Variants in SPATA12 observed in about 807,000 individuals in gnomAD.
SPATA12 encodes spermatogenesis-associated protein 12.
For missense variants in SPATA12, 219 were observed against 226.4 expected (o/e 0.97, Z 0.21); for synonymous variants, 85 against 89.2 (o/e 0.95, Z 0.26).
intron 1 of SPATA12, among the ~76,000 whole-genome samples, chr3:57,071,813 C>T (rs989606974): frequency 1.3e-5 from 2 of 152,004 alleles, no homozygotes; most frequent in Non-Finnish European, 2.9e-5. Flanking sequence ...TCAAAGAACA[C>T]CATCAAGAAA....
chr3:57,072,634 A>G (rs1049043528), intron 1 of SPATA12, among the ~76,000 whole-genome samples: 4 of 147,694 alleles, frequency 2.7e-5, no homozygotes, highest in African/African-American at 9.9e-5. Flanking sequence ...CCCAGCTACT[A>G]GGGAGGCTGA....
intron 1 of SPATA12, among the ~76,000 whole-genome samples, chr3:57,067,984 C>T (rs145604937): frequency 2.2e-3 from 334 of 150,758 alleles, no homozygotes; most frequent in Middle Eastern, 0.01. Context: ...AGCAAGACTC[C>T]GTCTCAAAAA....
intron 1 of SPATA12, among the ~76,000 whole-genome samples, chr3:57,071,983 G>A (rs1478528607): frequency 6.6e-6 from 1 of 152,054 alleles, no homozygotes; most frequent in Non-Finnish European, 1.5e-5. Context: ...TTTCTCCAAA[G>A]AAGATACACA....
chr3:57,071,403 T>C (rs1030356871), intron 1 of SPATA12, among the ~76,000 whole-genome samples: 2 of 152,174 alleles, frequency 1.3e-5, no homozygotes, highest in Non-Finnish European at 2.9e-5. Flanking sequence ...GGCTCATGCC[T>C]GTAATCCCAG....
Position 57,073,804 on chromosome 3 carries a change from T to C in SPATA12, c.110T>C (p.Leu37Pro). Residue 37 changes from leucine (L) to proline (P), a missense_variant, in exon 2 of 2, where the codon CTT (leucine) becomes CCT (proline). Leu to Pro is a moderately conservative substitution (Grantham distance 98). Transcript: ENST00000334325. ...SRLVPWPPRG[L>P]GSSTQHPNKP... Reference sequence around the variant, plus strand: ...CTCGTTCCATGGCCACCCAGAGGCCTTGGGTCATCCACCCAACATCCCAAC... The same window carrying C: ...CTCGTTCCATGGCCACCCAGAGGCCCTGGGTCATCCACCCAACATCCCAAC... 1 of 1,614,212 alleles carries C rather than the reference T, an allele frequency of 6.2e-7. No individual in the cohort carries two copies. The highest frequency in any genetic ancestry group is 8.5e-7 in the Non-Finnish European group (1 of 1,180,042).
intron 1 of SPATA12, among the ~76,000 whole-genome samples, chr3:57,067,956 C>T (rs1705655074): frequency 6.6e-6 from 1 of 151,946 alleles, no homozygotes; most frequent in Non-Finnish European, 1.5e-5. Context: ...CACCACTGCA[C>T]TCCAGCCTGG....
At chr3:57,067,454 A>AAACAATAAT (rs1705609627) in intron 1 of SPATA12, among the ~76,000 whole-genome samples, 1 of 140,458 alleles carries the variant, frequency 7.1e-6, no homozygotes, top group Non-Finnish European at 1.5e-5. Context: ...CTCTGTCTCA[A>AAACAATAAT]AATAATAATA....
In SPATA12 at chr3:57,074,336, C is replaced by T. The variant is rs1289497284; in HGVS notation, c.*69C>T. On this transcript the variant is annotated 3_prime_UTR_variant, in exon 2 of 2. Coordinates refer to ENST00000334325, the MANE Select transcript of SPATA12 (RefSeq NM_181727.2). ...TCTGGGCCTTTGCACATGCTATGCC[C>T]TCCCTTCCATCCCCCACCCCCACCA... is the stretch of plus-strand genomic sequence containing the variant. 1 of 1,392,570 alleles carries T rather than the reference C, an allele frequency of 7.2e-7. No homozygotes were observed. The highest frequency in any genetic ancestry group is 1.0e-6 in the Non-Finnish European group (1 of 1,001,242). The allele number at this position is 1,392,570 out of a possible 1,614,324, so 86.3% of individuals were successfully genotyped here. A position where few individuals can be genotyped will look rare whatever the true frequency, so the allele number is the denominator to read the frequency against.
intron 1 of SPATA12, among the ~76,000 whole-genome samples, chr3:57,070,568 T>G (rs187341926): frequency 1.3e-5 from 2 of 152,164 alleles, no homozygotes; most frequent in African/African-American, 2.4e-5. Context: ...ACAGAGTCAA[T>G]GTAACCCCTG....
chr3:57,072,443 T>TAA (rs35145725), intron 1 of SPATA12, among the ~76,000 whole-genome samples: 63 of 144,816 alleles, frequency 4.4e-4, no homozygotes, highest in East Asian at 8.2e-4. Context: ...AATAAAGAAT[T>TAA]AAAAAAAAAA....
intron 1 of SPATA12, among the ~76,000 whole-genome samples, chr3:57,062,521 G>A (rs1705284582): frequency 6.6e-6 from 1 of 152,230 alleles, no homozygotes; most frequent in South Asian, 2.1e-4. Flanking sequence ...CAGGGCAAGT[G>A]CCCAGCACAG....
At chr3:57,067,531 T>A (rs1335318006) in intron 1 of SPATA12, among the ~76,000 whole-genome samples, 2 of 149,512 alleles carry the variant, frequency 1.3e-5, no homozygotes, top group Non-Finnish European at 3.0e-5. Flanking sequence ...AGTAGATATA[T>A]TTGTTTTCAA....
Position 57,074,533 on chromosome 3 carries a change from C to T in SPATA12, c.*266C>T, listed in dbSNP as rs1387227449. ...TCTCATACTCTTAGCCCCCGGGGAA[C>T]CTTCACTGTATTAAATGACATCAAT... On this transcript the variant is annotated 3_prime_UTR_variant, in exon 2 of 2. Transcript: ENST00000334325. The T allele has an allele frequency of 2.1e-6, 1 of 476,428 alleles. No homozygotes were observed. The highest frequency in any genetic ancestry group is 3.9e-6 in the Non-Finnish European group (1 of 258,750). 29.5% of individuals were successfully genotyped at this position (476,428 alleles called of 1,614,324 possible).
intron 1 of SPATA12, among the ~76,000 whole-genome samples, chr3:57,071,599 G>A (rs1039584042): frequency 2.7e-5 from 4 of 150,760 alleles, no homozygotes; most frequent in Non-Finnish European, 5.9e-5. Context: ...GGTGGAGGTT[G>A]TAGTGAGCCG....
At chr3:57,062,628 A>G (rs895778953) in intron 1 of SPATA12, among the ~76,000 whole-genome samples, 9 of 152,192 alleles carry the variant, frequency 5.9e-5, no homozygotes, top group Non-Finnish European at 7.3e-5. Context: ...TCAGCAAAAC[A>G]CTATGTAGCT....
intron 1 of SPATA12, among the ~76,000 whole-genome samples, chr3:57,069,287 A>G (rs919613390): frequency 6.6e-6 from 1 of 152,092 alleles, no homozygotes; most frequent in Non-Finnish European, 1.5e-5. Context: ...TTCTCCCAGA[A>G]ACAAACTAAA....
At chr3:57,072,405 A>G (rs561014203) in intron 1 of SPATA12, among the ~76,000 whole-genome samples, 16 of 151,998 alleles carry the variant, frequency 1.1e-4, no homozygotes, top group Admixed American at 8.5e-4. Context: ...AAATGGGAAA[A>G]CATTAGTTGT....
chr3:57,073,195 A>G (rs1362920972), intron 1 of SPATA12, among the ~76,000 whole-genome samples, 171 bp from the exon 2 acceptor site: 1 of 152,158 alleles, frequency 6.6e-6, no homozygotes, highest in Non-Finnish European at 1.5e-5. Flanking sequence ...GATCACAAAC[A>G]TTCTCTCTGG....
Position 57,073,917 on chromosome 3 carries a change from G to C in SPATA12, c.223G>C (p.Asp75His), listed in dbSNP as rs1037140097. The C allele has an allele frequency of 1.9e-6, 3 of 1,614,204 alleles. No homozygotes were observed. Among genetic ancestry groups the C allele is most frequent in the Non-Finnish European group, 8.5e-7 (1 of 1,180,044 alleles). The change falls in exon 2 of 2, where the codon GAT becomes CAT. Residue 75 changes from aspartate to histidine, a missense_variant. Physicochemically the swap from Asp to His is moderately conservative, Grantham distance 81 (BLOSUM62 -1). Coordinates refer to ENST00000334325, the MANE Select transcript of SPATA12 (RefSeq NM_181727.2). The part of the protein sequence containing the change: ...SALPELTFQG[D>H]VCQSETCQRY... ...CCTCCCAGAGCTGACATTTCAGGGGGATGTGTGCCAAAGTGAGACCTGTCA... is the reference window on the plus strand; with the variant it reads ...CCTCCCAGAGCTGACATTTCAGGGGCATGTGTGCCAAAGTGAGACCTGTCA...
Sources: allele counts gnomAD v4.1 joint callset (sites outside exome capture counted in the v4.1 genomes callset), GRCh38; gene constraint gnomAD v4.1.1; transcripts MANE v1.5; gene names NCBI Gene and HGNC (gene_info 2026-07-23, HGNC 2026-07-21).